The following GGA3 variants were observed in gnomAD, a reference collection of about 807,000 sequenced individuals.
GGA3 encodes golgi associated, gamma adaptin ear containing, ARF binding protein 3.
Under a neutral mutation model 77.5 loss-of-function variants are expected in GGA3, and 57 were observed. The ratio of observed to expected loss-of-function variants is 0.74; its 90% CI spans 0.59 to 0.92. GGA3 has a LOEUF of 0.92. Ranked by LOEUF, GGA3 falls within the 40% of genes least tolerant of loss-of-function variation. The pLI is 0.00. For missense variants in GGA3, 970 were observed against 914.9 expected, an observed-to-expected ratio of 1.06 and a Z score of -0.78; for synonymous variants, 416 against 383.7, an observed-to-expected ratio of 1.08 and a Z score of -0.98.
At chr17:75,261,789 C>T (rs2077394419), upstream of GGA3, 9 of 1,236,934 alleles carry the variant, frequency 7.3e-6, no homozygotes, top group Non-Finnish European at 1.0e-5. Context: ...ACGTCCAGAT[C>T]AGTGGAGAGA....
Position 75,243,366 on chromosome 17 carries a change from G to A in GGA3, c.424+81C>T, listed in dbSNP as rs546013131. Reference sequence around the variant, plus strand: ...CTGTTCTCTTCAGGAGGGACTCTGGGGATCCCAAACCTTCCCTTCTCTCCT... The same window carrying A: ...CTGTTCTCTTCAGGAGGGACTCTGGAGATCCCAAACCTTCCCTTCTCTCCT... On this transcript the variant is annotated intron_variant, in intron 5 of 16. Coordinates refer to ENST00000537686, the MANE Select transcript of GGA3 (RefSeq NM_138619.4). The A allele has an allele frequency of 5.6e-5, 87 of 1,556,742 alleles. 2 individuals carry two copies. In the South Asian group the frequency reaches 9.4e-4, roughly 17 times the overall value.
chr17:75,240,039 G>A lies in GGA3; in HGVS notation c.1333C>T (p.Pro445Ser), dbSNP rs1248274464. The A allele has an allele frequency of 7.1e-6, 11 of 1,552,060 alleles. 1 individual carries two copies. The highest frequency in any genetic ancestry group is 2.0e-5 in the Admixed American group (1 of 51,186). Reference sequence around the variant, plus strand: ...GAGGGGGCTGAGGGCTGGAGCAGAGGAGCATCGGAGGCGCCACAGGCAGCG... The same window carrying A: ...GAGGGGGCTGAGGGCTGGAGCAGAGAAGCATCGGAGGCGCCACAGGCAGCG... ...GTAACGASDA[P>S]LLQPSAPSSS... The change falls in exon 13 of 17, where the codon CCT becomes TCT. Residue 445 changes from proline to serine, a missense_variant. Pro to Ser is a moderately conservative substitution (Grantham distance 74). Transcript: ENST00000537686.
At chr17:75,253,997 A>G (rs2077058899) in intron 1 of GGA3, among the ~76,000 whole-genome samples, 1 of 152,188 alleles carries the variant, frequency 6.6e-6, no homozygotes, top group African/African-American at 2.4e-5. Context: ...CGATTTCTCC[A>G]TCCTATAAGA....
chr17:75,238,547 A>G, intron 16 of GGA3, 105 bp downstream of exon 16: 1 of 996,200 alleles, frequency 1.0e-6, no homozygotes, highest in Non-Finnish European at 1.5e-6. Flanking sequence ...GGGATGTGTC[A>G]ATCCTACAGT....
chr17:75,244,764 C>A (rs1318906936), intron 3 of GGA3, 47 bp from the exon 4 acceptor site: 2 of 1,249,468 alleles, frequency 1.6e-6, no homozygotes, highest in African/African-American at 1.5e-5. Flanking sequence ...GTGCTCGGGG[C>A]TGGAACCTGG....
intron 1 of GGA3, among the ~76,000 whole-genome samples, chr17:75,254,218 T>C (rs1289370220): frequency 6.6e-6 from 1 of 151,878 alleles, no homozygotes; most frequent in African/African-American, 2.4e-5. Context: ...CCTTTCCCCT[T>C]CTCCTCAGGC....
rs1430474515 is a variant in GGA3 at position 75,240,856 on chromosome 17, G to A, written c.1148C>T (p.Thr383Ile). Residue 383 changes from threonine (T) to isoleucine (I), a missense_variant, in exon 11 of 17, where the codon ACA (threonine) becomes ATA (isoleucine). Transcript: ENST00000537686. The stretch of plus-strand genomic sequence containing the variant: ...GTCCAGCCAGGAGAGGGCGTTGCTT[G>A]TGCTGCTGGGCCCCAGGGTGGCCTC... ...QAEATLGPSS[T>I]SNALSWLDEE... 3 of 1,613,228 alleles carry A rather than the reference G, an allele frequency of 1.9e-6. No individual in the cohort carries two copies. In the African/African-American group the frequency reaches 4.0e-5, roughly 22 times the overall value.
At position 75,241,406 on chromosome 17, in the gene GGA3, A is replaced by T. The variant is rs1315747013; in HGVS notation, c.940T>A (p.Ser314Thr). Residue 314 changes from serine (S) to threonine (T), a missense_variant, in exon 10 of 17, where the codon TCG becomes ACG. By Grantham distance (58) the Ser-to-Thr change is moderately conservative (BLOSUM62 1). Coordinates refer to ENST00000537686, the MANE Select transcript of GGA3 (RefSeq NM_138619.4). ...GEVATLTLPD[S>T]EGNSQCSNQG... ...GGGGACCAGAGCATCTCACCTTCCG[A>T]GTCAGGCAGGGTTAAGGTAGCCACC... The T allele has an allele frequency of 5.6e-6, 9 of 1,600,096 alleles. No individual in the cohort carries two copies. Among genetic ancestry groups the T allele is most frequent in the Non-Finnish European group, 7.7e-6 (9 of 1,167,756 alleles).
In GGA3 at chr17:75,239,815, G is replaced by T; in HGVS notation, c.1557C>A (p.Leu519=). ...GNSALHHLDA[L]DQLLEEAKVT... The stretch of plus-strand genomic sequence containing the variant: ...CTTTGGCCTCTTCTAGAAGCTGATC[G>T]AGGGCATCCAGGTGGTGCAGCGCGC... Residue 519 remains leucine, a synonymous_variant, in exon 13 of 17, where the codon CTC becomes CTA. Coordinates refer to ENST00000537686, the MANE Select transcript of GGA3 (RefSeq NM_138619.4). The T allele has an allele frequency of 6.2e-7, 1 of 1,613,810 alleles. No individual in the cohort carries two copies. The highest frequency in any genetic ancestry group is 1.3e-5 in the African/African-American group (1 of 75,048).
At position 75,257,575 on chromosome 17, in the gene GGA3, CCTT is replaced by C. The variant is rs770315558; in HGVS notation, c.40+3970_40+3972del. 4.1e-4 allele frequency among the ~76,000 whole-genome samples: 63 copies of C among 152,250 alleles called. 1 individual carries two copies. In the East Asian group the frequency reaches 0.011, roughly 27 times the overall value. Reference sequence around the variant, plus strand: ...TTAGACCTTTTATACCTGTTTTTCTCCTTCTCTTATTCCACTTAGTTTTTCAAT... The same window carrying C: ...TTAGACCTTTTATACCTGTTTTTCTCCTCTTATTCCACTTAGTTTTTCAAT... On this transcript the variant is annotated intron_variant, in intron 1 of 16. Transcript: ENST00000537686.
rs1373063695 is a variant in GGA3 at position 75,237,676 on chromosome 17, C to T, written c.*603G>A. 6.1e-6 allele frequency: 9 copies of T among 1,477,414 alleles called. No homozygotes were observed. The highest frequency in any genetic ancestry group is 2.5e-5 in the East Asian group (1 of 40,380). The allele number at this position is 1,477,414 out of a possible 1,614,324, so 91.5% of individuals were successfully genotyped here. The stretch of plus-strand genomic sequence containing the variant: ...GGGACAAGCACACAACTCATCACTC[C>T]GTGGCCATTCCAGGACGATGCTGTC... On this transcript the variant is annotated 3_prime_UTR_variant, in exon 17 of 17. Transcript: ENST00000537686.
At chr17:75,240,137 G>A (rs747232487) in intron 12 of GGA3, 29 bp from the exon 13 acceptor site, 75 of 1,405,050 alleles carry the variant, frequency 5.3e-5, no homozygotes, top group Non-Finnish European at 6.9e-5. Context: ...GTGGTGAGCC[G>A]AGGGCGGGTG....
chr17:75,254,356 C>T (rs1044175296), intron 1 of GGA3, among the ~76,000 whole-genome samples: 2 of 152,282 alleles, frequency 1.3e-5, no homozygotes, highest in Non-Finnish European at 1.5e-5. Context: ...ACTGGCCCTC[C>T]CCCACCTGCC....
At chr17:75,249,535 C>T (rs2076887376) in intron 1 of GGA3, among the ~76,000 whole-genome samples, 1 of 152,200 alleles carries the variant, frequency 6.6e-6, no homozygotes, top group African/African-American at 2.4e-5. Flanking sequence ...AATGCCAAGT[C>T]TCTCCCACCA....
intron 3 of GGA3, 75 bp from the exon 4 acceptor site, chr17:75,244,792 G>A (rs2076698488): frequency 6.4e-6 from 6 of 939,454 alleles, no homozygotes; most frequent in Non-Finnish European, 1.1e-5. Context: ...AAGATCCCTG[G>A]CACCCAGAGA....
intron 1 of GGA3, among the ~76,000 whole-genome samples, chr17:75,249,941 T>C (rs537377949): frequency 7.2e-5 from 11 of 152,336 alleles, no homozygotes; most frequent in African/African-American, 2.6e-4. Flanking sequence ...TTCTTCCACC[T>C]TGATAGACCT....
intron 3 of GGA3, among the ~76,000 whole-genome samples, chr17:75,245,626 G>T (rs1275281510): frequency 6.6e-6 from 1 of 152,104 alleles, no homozygotes; most frequent in Non-Finnish European, 1.5e-5. Flanking sequence ...CCAGGCTCAA[G>T]CCATCCTTCA....
upstream of GGA3, chr17:75,262,236 C>T (rs763249965): frequency 2.2e-5 from 14 of 636,862 alleles, no homozygotes; most frequent in Non-Finnish European, 3.0e-5. Flanking sequence ...GATCTGGGAT[C>T]GCCTGTGAAT....
chr17:75,250,762 CAAAAAAAA>C lies in GGA3; in HGVS notation c.41-3974_41-3967del, dbSNP rs5822078. ...GGGCAACAGAGTGAGACTCCATCTC[CAAAAAAAA>C]AAAAAAAAAAAATTATATACATATG... On this transcript the variant is annotated intron_variant, in intron 1 of 16. Coordinates refer to ENST00000537686, the MANE Select transcript of GGA3 (RefSeq NM_138619.4). 9.9e-4 allele frequency among the ~76,000 whole-genome samples: 78 copies of C among 78,842 alleles called. No individual in the cohort carries two copies. In the East Asian group the frequency reaches 0.019, roughly 20 times the overall value. The allele number at this position is 78,842 out of a possible 152,430, so 51.7% of individuals were successfully genotyped here. A position where few individuals can be genotyped will look rare whatever the true frequency, so the allele number is the denominator to read the frequency against.
Sources: gnomAD v4.1 joint callset for allele counts (sites outside exome capture counted in the v4.1 genomes callset) on GRCh38, gnomAD v4.1.1 for gene constraint, MANE v1.5 for transcripts, NCBI Gene and HGNC (gene_info 2026-07-23, HGNC 2026-07-21) for gene names.